The following SNX1 variants were observed in gnomAD, a reference collection of about 807,000 sequenced individuals.
The protein encoded by SNX1 is sorting nexin-1.
A neutral mutation model predicts 71.8 loss-of-function variants in SNX1; 36 were observed. That is an observed-to-expected ratio of 0.50 (90% confidence interval 0.38 to 0.66). The LOEUF is 0.66. Among genes scored for constraint, SNX1 ranks in the 30% least tolerant of loss-of-function variants. SNX1 has a pLI of 0.00. For synonymous variants in SNX1, 254 were observed against 240.7 expected, an observed-to-expected ratio of 1.06 and a Z score of -0.51; for missense variants, 612 against 646.7, an observed-to-expected ratio of 0.95 and a Z score of 0.58.
chr15:64,112,992 G>C (rs994687701), intron 2 of SNX1, among the ~76,000 whole-genome samples: 6 of 152,172 alleles, frequency 3.9e-5, no homozygotes, highest in Non-Finnish European at 7.3e-5. Context: ...TGAGACCAGT[G>C]ACTAAAGCAG....
chr15:64,110,575 T>A (rs1011443110), intron 1 of SNX1, among the ~76,000 whole-genome samples: 8 of 150,496 alleles, frequency 5.3e-5, no homozygotes, highest in South Asian at 2.1e-4. Context: ...TTAAAAAAAA[T>A]TTTTTTTTTA....
rs1378930832 is a variant in SNX1, at chr15:64,129,137, C to G, written c.808-779C>G. ...TGGCGGGCACCTATAATCCCAGCTACTTGGGAGGCTGAGGCAGGATAATCA... is the reference window on the plus strand; with the variant it reads ...TGGCGGGCACCTATAATCCCAGCTAGTTGGGAGGCTGAGGCAGGATAATCA... On this transcript the variant is annotated intron_variant, in intron 8 of 14. Transcript: ENST00000559844. The surrounding 1 kb of genome is among the most constrained non-coding windows in gnomAD (Gnocchi z 4.4). Among the ~76,000 whole-genome samples the G allele has an allele frequency of 6.6e-6, 1 of 151,806 alleles. No homozygotes were observed. Among genetic ancestry groups the G allele is most frequent in the Non-Finnish European group, 1.5e-5 (1 of 67,964 alleles).
Position 64,129,874 on chromosome 15 carries a change from G to A in SNX1, c.808-42G>A. 1 of 1,381,960 alleles carries A rather than the reference G, an allele frequency of 7.2e-7. No individual in the cohort carries two copies. Among genetic ancestry groups the A allele is most frequent in the South Asian group, 1.2e-5 (1 of 86,358 alleles). The allele number at this position is 1,381,960 out of a possible 1,614,324, so 85.6% of individuals were successfully genotyped here. On this transcript the variant is annotated intron_variant, in intron 8 of 14. Coordinates refer to ENST00000559844, the MANE Select transcript of SNX1 (RefSeq NM_003099.5). This position sits in a 1 kb window ranked among gnomAD's most constrained non-coding sequence, Gnocchi z 4.4. ...CTAATTCTTCTGAACCTAAAATAGG[G>A]GCAGCAGATAACTTGCCATCCCTGC...
intron 12 of SNX1, among the ~76,000 whole-genome samples, chr15:64,135,108 GT>G (rs1213406434): frequency 6.6e-6 from 1 of 151,184 alleles, no homozygotes; most frequent in African/African-American, 2.4e-5. Flanking sequence ...GAGGTCAGAG[GT>G]TTTTTTTGTT....
At chr15:64,136,199 C>A in intron 12 of SNX1, 131 bp from the exon 13 acceptor site, 1 of 711,402 alleles carries the variant, frequency 1.4e-6, no homozygotes, top group South Asian at 1.6e-5. Context: ...TGTGACACCT[C>A]ATCTTACCCA....
intron 6 of SNX1, 72 bp from the exon 7 acceptor site, chr15:64,127,102 A>T: frequency 8.2e-7 from 1 of 1,212,914 alleles, no homozygotes; most frequent in Admixed American, 2.0e-5. Flanking sequence ...TCCTGTTGAC[A>T]CTTAAAAAAA....
chr15:64,100,328 G>T (rs372545198), intron 1 of SNX1, among the ~76,000 whole-genome samples: 56 of 152,242 alleles, frequency 3.7e-4, no homozygotes, highest in African/African-American at 1.3e-3. Flanking sequence ...TTGGCCAGGC[G>T]CAGTGGCTCA....
chr15:64,118,147 C>T lies in SNX1; in HGVS notation c.302C>T (p.Thr101Ile). Residue 101 changes from threonine to isoleucine, a missense_variant, in exon 3 of 15, where the codon ACA becomes ATA. Physicochemically the swap from Thr to Ile is moderately conservative, Grantham distance 89. Coordinates refer to ENST00000559844, the MANE Select transcript of SNX1 (RefSeq NM_003099.5). ...ACAGTGGAGCTATCCTTGGACAGCA[C>T]ACAAAATAATCAGAAGAAGGTGCTA... ...DATVELSLDS[T>I]QNNQKKVLAK... 1 of 1,611,970 alleles carries T rather than the reference C, an allele frequency of 6.2e-7. No homozygotes were observed. Among genetic ancestry groups the T allele is most frequent in the Non-Finnish European group, 8.5e-7 (1 of 1,179,430 alleles).
intron 1 of SNX1, 83 bp from the exon 2 acceptor site, chr15:64,112,490 G>A: frequency 1.3e-6 from 1 of 776,738 alleles, no homozygotes; most frequent in Non-Finnish European, 2.1e-6. Flanking sequence ...GGCAACTGAG[G>A]GAGGCATTAA....
intron 3 of SNX1, 106 bp downstream of exon 3, chr15:64,118,350 T>G (rs1326176428): frequency 4.1e-6 from 5 of 1,230,794 alleles, no homozygotes; most frequent in Non-Finnish European, 5.7e-6. Flanking sequence ...TTTGTTACTC[T>G]TGAAGGAGAT....
Position 64,142,803 on chromosome 15 carries a change from G to C in SNX1, c.*5185G>C. The C allele has an allele frequency of 2.6e-6, 1 of 378,704 alleles. No homozygotes were observed. The highest frequency in any genetic ancestry group is 5.3e-6 in the Non-Finnish European group (1 of 187,632). 23.5% of individuals were successfully genotyped at this position (378,704 alleles called of 1,614,324 possible). ...GTACTCAGTGACAAAATAAATGAGA[G>C]AAACGGGAATAAGAATTGTCGCCTA... On this transcript the variant is annotated 3_prime_UTR_variant, in exon 15 of 15. Transcript: ENST00000559844.
chr15:64,108,881 A>G (rs1228991522), intron 1 of SNX1, among the ~76,000 whole-genome samples: 2 of 151,688 alleles, frequency 1.3e-5, no homozygotes, highest in Non-Finnish European at 1.5e-5. Flanking sequence ...CCAGCTACTC[A>G]GGAGGCTGAG....
Position 64,128,442 on chromosome 15 carries a change from A to G in SNX1, c.807+636A>G, listed in dbSNP as rs1044781389. Among the ~76,000 whole-genome samples the G allele has an allele frequency of 3.9e-5, 6 of 152,254 alleles. 1 individual carries two copies. The highest frequency in any genetic ancestry group is 1.4e-4 in the African/African-American group (6 of 41,462). On this transcript the variant is annotated intron_variant, in intron 8 of 14. Coordinates refer to ENST00000559844, the MANE Select transcript of SNX1 (RefSeq NM_003099.5). ...AACATGTAAGTCATTAAGGATCAAA[A>G]GAAACACTGGAGTGAAATGTTTTAT...
chr15:64,109,778 T>A (rs1396005529), intron 1 of SNX1, among the ~76,000 whole-genome samples: 1 of 152,150 alleles, frequency 6.6e-6, no homozygotes, highest in South Asian at 2.1e-4. Flanking sequence ...AAAGGTTGTC[T>A]GCCCACCTCT....
At chr15:64,119,397 C>T (rs551773369) in intron 4 of SNX1, among the ~76,000 whole-genome samples, 1 of 152,268 alleles carries the variant, frequency 6.6e-6, no homozygotes, top group Admixed American at 6.5e-5. Context: ...ACCGAGATTA[C>T]AGGCATGAGC....
Position 64,140,979 on chromosome 15 carries a change from G to GATATAGAT in SNX1, c.*3362_*3363insTATAGATA, listed in dbSNP as rs10678400. On this transcript the variant is annotated 3_prime_UTR_variant, in exon 15 of 15. Coordinates refer to ENST00000559844, the MANE Select transcript of SNX1 (RefSeq NM_003099.5). The stretch of plus-strand genomic sequence containing the variant: ...CTAGGCTCTCACCATACAGTGCAAA[G>GATATAGAT]AGATGATAGATAGATAGATAGATAG... The GATATAGAT allele has an allele frequency of 7.6e-6, 1 of 131,184 alleles. No individual in the cohort carries two copies. Among genetic ancestry groups the GATATAGAT allele is most frequent in the Non-Finnish European group, 1.6e-5 (1 of 61,908 alleles). 8.1% of individuals were successfully genotyped at this position (131,184 alleles called of 1,614,324 possible). A position where few individuals can be genotyped will look rare whatever the true frequency, so the allele number is the denominator to read the frequency against.
chr15:64,115,633 G>T, intron 2 of SNX1: 1 of 356,984 alleles, frequency 2.8e-6, no homozygotes. Context: ...GTGTGGTCAT[G>T]GCTCACTGCA....
intron 4 of SNX1, 84 bp downstream of exon 4, chr15:64,118,938 G>C: frequency 1.0e-6 from 1 of 972,610 alleles, no homozygotes; most frequent in East Asian, 2.4e-5. Context: ...GCTACCCCCA[G>C]AGTTGAACTA....
In SNX1 at chr15:64,134,691, T is replaced by C. The variant is rs1472148389; in HGVS notation, c.1249T>C (p.Trp417Arg). The C allele has an allele frequency of 6.2e-7, 1 of 1,613,040 alleles. No individual in the cohort carries two copies. Among genetic ancestry groups the C allele is most frequent in the African/African-American group, 1.3e-5 (1 of 75,038 alleles). ...TGCCTTCGACCAGCGCATGAAGACA[T>C]GGCAGCGCTGGCAGGATGCCCAAGC... ...RAAFDQRMKTWQRWQDAQATL... is the reference protein window; with the variant it reads ...RAAFDQRMKTRQRWQDAQATL... The change falls in exon 12 of 15, where the codon TGG (tryptophan) becomes CGG (arginine). Residue 417 changes from tryptophan to arginine, a missense_variant. Around this residue, in one of 2 missense-constraint regions of SNX1, gnomAD observed 296 missense variants for 361.9 expected, o/e 0.82. Transcript: ENST00000559844. The surrounding 1 kb of genome is among the most constrained non-coding windows in gnomAD (Gnocchi z 4.1).
Sources: gnomAD v4.1 joint callset for allele counts (sites outside exome capture counted in the v4.1 genomes callset) on GRCh38, gnomAD v4.1.1 for gene constraint, gnomAD v4.1.1 regional missense constraint, Gnocchi (gnomAD v3.1) non-coding constraint, MANE v1.5 for transcripts, NCBI Gene and HGNC (gene_info 2026-07-23, HGNC 2026-07-21) for gene names.